The following THBS3 variants were observed in gnomAD, a reference collection of about 807,000 sequenced individuals.
THBS3 encodes the protein thrombospondin-3.
THBS3 carries 78 observed loss-of-function variants against 118.3 expected under a neutral mutation model. The observed-to-expected ratio is 0.66, with a 90% confidence interval of 0.55 to 0.80. The LOEUF (loss-of-function observed/expected upper bound fraction) is 0.80. Among genes scored for constraint, THBS3 ranks in the 30% least tolerant of loss-of-function variants. The pLI, the probability that THBS3 is intolerant of heterozygous loss-of-function variation, is 0.00. For synonymous variants in THBS3, 427 were observed against 475.3 expected, an observed-to-expected ratio of 0.90 and a Z score of 1.32; for missense variants, 1,057 against 1,247.4, an observed-to-expected ratio of 0.85 and a Z score of 2.30.
chr1:155,200,428 C>A, intron 14 of THBS3, 23 bp downstream of exon 14: 2 of 1,607,464 alleles, frequency 1.2e-6, no homozygotes, highest in Non-Finnish European at 1.7e-6. Context: ...CCCCCAGCCA[C>A]CCCTTCAGCC....
Position 155,204,572 on chromosome 1 carries a change from A to G in THBS3, c.646+283T>C, listed in dbSNP as rs561587785. On this transcript the variant is annotated intron_variant, in intron 4 of 22. Coordinates refer to ENST00000368378, the MANE Select transcript of THBS3 (RefSeq NM_007112.5). The stretch of plus-strand genomic sequence containing the variant: ...TGCACTCCGGCCTGGGCAACAGGAC[A>G]AGACTCCATCACCAAAAAAAAAAAA... Among the ~76,000 whole-genome samples, 7 of 148,642 alleles carry G rather than the reference A, an allele frequency of 4.7e-5. No individual in the cohort carries two copies. In the East Asian group the frequency reaches 6.8e-4, roughly 14 times the overall value.
chr1:155,200,804 T>G, intron 13 of THBS3, 93 bp downstream of exon 13: 2 of 1,608,060 alleles, frequency 1.2e-6, no homozygotes, highest in Non-Finnish European at 1.7e-6. Context: ...TATTTGGCCC[T>G]TACTAGAGAG....
At chr1:155,196,875 T>G in intron 21 of THBS3, 166 bp downstream of exon 21, 1 of 643,582 alleles carries the variant, frequency 1.6e-6, no homozygotes. Flanking sequence ...CATGGAGGAG[T>G]GACTTCACCA....
At chr1:155,199,697 G>T (rs1490671980) in intron 16 of THBS3, 107 bp downstream of exon 16, 4 of 1,214,618 alleles carry the variant, frequency 3.3e-6, no homozygotes, top group Non-Finnish European at 3.5e-6. Context: ...GGAGGTTGCA[G>T]TGAGCCAAGA....
rs751585411 is a variant in THBS3, at chr1:155,203,126, C to T, written c.768G>A (p.Met256Ile). 6.2e-7 allele frequency: 1 copy of T among 1,614,244 alleles called. No individual in the cohort carries two copies. The highest frequency in any genetic ancestry group is 8.5e-7 in the Non-Finnish European group (1 of 1,180,034). Reference sequence around the variant, plus strand: ...CCATAATGGTGTTTCGGATCAGGGACATTTCCTTCACCTGGAGAAGGATGG... The same window carrying T: ...CCATAATGGTGTTTCGGATCAGGGATATTTCCTTCACCTGGAGAAGGATGG... ...RDDIRDQVKEMSLIRNTIMEC... is the reference protein window; with the variant it reads ...RDDIRDQVKEISLIRNTIMEC... Residue 256 changes from methionine (M) to isoleucine (I), a missense_variant, in exon 7 of 23, where the codon ATG (methionine) becomes ATA (isoleucine). Physicochemically the swap from Met to Ile is conservative, Grantham distance 10. Transcript: ENST00000368378.
chr1:155,202,993 G>A lies in THBS3; in HGVS notation c.809-33C>T. On this transcript the variant is annotated intron_variant, in intron 7 of 22. Transcript: ENST00000368378. The surrounding 1 kb of genome is among the most constrained non-coding windows in gnomAD (Gnocchi z 5.5). Reference sequence around the variant, plus strand: ...GTGGACACAGTCAGAGCTACCCGGTGGTCACTATTTAAGCCACCAGAAGGG... The same window carrying A: ...GTGGACACAGTCAGAGCTACCCGGTAGTCACTATTTAAGCCACCAGAAGGG... 6.2e-7 allele frequency: 1 copy of A among 1,613,800 alleles called. No individual in the cohort carries two copies. The highest frequency in any genetic ancestry group is 8.5e-7 in the Non-Finnish European group (1 of 1,179,894).
chr1:155,202,406 G>A lies in THBS3; in HGVS notation c.958-5C>T, dbSNP rs745997583. 2.5e-6 allele frequency: 4 copies of A among 1,613,338 alleles called. No homozygotes were observed. The highest frequency in any genetic ancestry group is 3.4e-6 in the Non-Finnish European group (4 of 1,179,846). On this transcript the variant is annotated splice_polypyrimidine_tract_variant and splice_region_variant and intron_variant, in intron 8 of 22. Transcript: ENST00000368378. This position sits in a 1 kb window ranked among gnomAD's most constrained non-coding sequence, Gnocchi z 5.5. ...ACAGGGGTCAGCGTGAGCACACTGG[G>A]GACCAGATGAGAAGGCAGAGGTCAG...
upstream of THBS3, chr1:155,208,110 A>C: frequency 1.8e-6 from 1 of 562,706 alleles, no homozygotes; most frequent in Non-Finnish European, 3.2e-6. Flanking sequence ...CCTCTCCCTA[A>C]TGATCCTCCC....
At chr1:155,199,465 T>G (rs1264631483) in intron 16 of THBS3, among the ~76,000 whole-genome samples, 2 of 144,838 alleles carry the variant, frequency 1.4e-5, no homozygotes, top group African/African-American at 5.1e-5. Flanking sequence ...CTATAAGACC[T>G]TGCATTTCGC....
At position 155,203,289 on chromosome 1, in the gene THBS3, C is replaced by T. The variant is rs200279983; in HGVS notation, c.690G>A (p.Ala230=). ...TGAAGAGGGTGAGTTGGGTGACCAG[C>T]GCCTTGGTCTGCTCCCCTGTCGGGA... ...LHSILGEQTK[A]LVTQLTLFNQ... The change falls in exon 6 of 23, where the codon GCG becomes GCA. Residue 230 remains alanine (A), a synonymous_variant. Coordinates refer to ENST00000368378, the MANE Select transcript of THBS3 (RefSeq NM_007112.5). The T allele has an allele frequency of 9.2e-5, 148 of 1,614,050 alleles. No individual in the cohort carries two copies. The highest frequency in any genetic ancestry group is 1.8e-4 in the Admixed American group (11 of 60,006).
Position 155,199,991 on chromosome 1 carries a change from G to A in THBS3, c.1827+4C>T, listed in dbSNP as rs532140522. On this transcript the variant is annotated splice_donor_region_variant and intron_variant, in intron 15 of 22. Transcript: ENST00000368378. The stretch of plus-strand genomic sequence containing the variant: ...CCTCCCCTGTCCTTACCATCTCCCT[G>A]TACCTGGGTAGGATTGCTCATTTCA... The A allele has an allele frequency of 1.3e-6, 2 of 1,599,310 alleles. No individual in the cohort carries two copies. The highest frequency in any genetic ancestry group is 2.7e-5 in the African/African-American group (2 of 74,674).
rs771206781 is a variant in THBS3 at position 155,196,127 on chromosome 1, C to T, written c.2673-1G>A. The T allele has an allele frequency of 4.3e-6, 7 of 1,613,928 alleles. No homozygotes were observed. Among genetic ancestry groups the T allele is most frequent in the Non-Finnish European group, 5.1e-6 (6 of 1,180,054 alleles). On this transcript the variant is annotated splice_acceptor_variant, in intron 21 of 22. Coordinates refer to ENST00000368378, the MANE Select transcript of THBS3 (RefSeq NM_007112.5). LOFTEE classifies it high-confidence loss of function. Reference sequence around the variant, plus strand: ...CTGGGGTCCCTCATAGAGCTTCACCCTGTCCAGGATTCCAGGATAGGAGTA... The same window carrying T: ...CTGGGGTCCCTCATAGAGCTTCACCTTGTCCAGGATTCCAGGATAGGAGTA...
upstream of THBS3, chr1:155,208,002 G>T: frequency 2.3e-6 from 1 of 427,530 alleles, no homozygotes; most frequent in Non-Finnish European, 4.2e-6. Context: ...CGGGTGAGGG[G>T]GGGCTGAAAC....
chr1:155,202,370 G>C lies in THBS3; in HGVS notation c.989C>G (p.Ser330Cys). 1 of 1,614,056 alleles carries C rather than the reference G, an allele frequency of 6.2e-7. No individual in the cohort carries two copies. Among genetic ancestry groups the C allele is most frequent in the Non-Finnish European group, 8.5e-7 (1 of 1,180,020 alleles). Residue 330 changes from serine (S) to cysteine (C), a missense_variant, in exon 9 of 23, where the codon TCC (serine) becomes TGC (cysteine). Physicochemically the swap from Ser to Cys is moderately radical, Grantham distance 112 (BLOSUM62 -1). Transcript: ENST00000368378. The surrounding 1 kb of genome is among the most constrained non-coding windows in gnomAD (Gnocchi z 5.5). Reference sequence around the variant, plus strand: ...GCCGGGCATGGTGTTGATGCAGCTGGAGCCCGGGAAACAGGGGTCAGCGTG... The same window carrying C: ...GCCGGGCATGGTGTTGATGCAGCTGCAGCCCGGGAAACAGGGGTCAGCGTG... ...CAHADPCFPG[S>C]SCINTMPGFH...
upstream of THBS3, chr1:155,209,009 C>T (rs778092146): frequency 8.2e-5 from 130 of 1,591,156 alleles, no homozygotes; most frequent in Non-Finnish European, 1.1e-4. Context: ...GCGCGCCGGG[C>T]CGACAGCGCT....
chr1:155,200,189 A>C, intron 14 of THBS3, 76 bp from the exon 15 acceptor site: 1 of 1,347,314 alleles, frequency 7.4e-7, no homozygotes, highest in Non-Finnish European at 1.0e-6. Context: ...AAAGTCCCGA[A>C]CTTTGTCTCC....
intron 21 of THBS3, chr1:155,196,446 C>T (rs1279351405): frequency 5.3e-6 from 2 of 376,438 alleles, no homozygotes; most frequent in Non-Finnish European, 9.7e-6. Context: ...AGTCCACCCC[C>T]TTTTATCCCC....
intron 14 of THBS3, 105 bp from the exon 15 acceptor site, chr1:155,200,218 G>T: frequency 2.6e-6 from 3 of 1,148,678 alleles, no homozygotes; most frequent in Non-Finnish European, 2.5e-6. Flanking sequence ...AGGACAACTG[G>T]CCAGGAAATC....
chr1:155,195,734 G>C lies in THBS3; in HGVS notation c.*107C>G. 1 of 1,230,086 alleles carries C rather than the reference G, an allele frequency of 8.1e-7. No individual in the cohort carries two copies. Among genetic ancestry groups the C allele is most frequent in the Non-Finnish European group, 1.2e-6 (1 of 860,908 alleles). The allele number at this position is 1,230,086 out of a possible 1,614,324, so 76.2% of individuals were successfully genotyped here. A position where few individuals can be genotyped will look rare whatever the true frequency, so the allele number is the denominator to read the frequency against. ...GAACTCCTTTTGGGAGCCAGAGAAG[G>C]GTCTGTGGTTGGCTGAGGGGCTGTA... On this transcript the variant is annotated 3_prime_UTR_variant, in exon 23 of 23. Coordinates refer to ENST00000368378, the MANE Select transcript of THBS3 (RefSeq NM_007112.5).
Sources: allele counts gnomAD v4.1 joint callset (sites outside exome capture counted in the v4.1 genomes callset), GRCh38; gene constraint gnomAD v4.1.1; non-coding constraint Gnocchi (gnomAD v3.1); transcripts MANE v1.5; gene names NCBI Gene and HGNC (gene_info 2026-07-23, HGNC 2026-07-21).